The following IPCEF1 variants were observed in gnomAD, a reference collection of about 807,000 sequenced individuals.
The protein encoded by IPCEF1 is interaction protein for cytohesin exchange factors 1.
Under a neutral mutation model 50.9 loss-of-function variants are expected in IPCEF1, and 31 were observed. That is an observed-to-expected ratio of 0.61 (90% confidence interval 0.46 to 0.82). IPCEF1 has a LOEUF of 0.82. Among genes scored for constraint, IPCEF1 ranks in the 40% least tolerant of loss-of-function variants. The probability of loss-of-function intolerance (pLI) is 0.00; values close to 1 mark genes in which losing one functional copy is unlikely to be tolerated. For missense variants in IPCEF1, 458 were observed against 514.0 expected (o/e 0.89, Z 1.05); for synonymous variants, 181 against 192.0 (o/e 0.94, Z 0.47).
intron 10 of IPCEF1, among the ~76,000 whole-genome samples, chr6:154,188,117 T>A (rs994413839): frequency 5.9e-5 from 9 of 152,202 alleles, no homozygotes; most frequent in African/African-American, 2.2e-4. Context: ...CATAAAAAAA[T>A]TTAGGATAAA....
chr6:154,204,619 G>A (rs1334079459), intron 9 of IPCEF1, among the ~76,000 whole-genome samples: 2 of 151,888 alleles, frequency 1.3e-5, no homozygotes, highest in African/African-American at 2.4e-5. Flanking sequence ...TGTGCTGACC[G>A]AAGATCTACT....
intron 1 of IPCEF1, among the ~76,000 whole-genome samples, chr6:154,355,617 T>C (rs539868763): frequency 6.4e-4 from 97 of 152,034 alleles, no homozygotes; most frequent in African/African-American, 2.2e-3. Context: ...GCTTCCCAGG[T>C]AGCTGGGATT....
In IPCEF1 at chr6:154,156,468, C is replaced by CTGCTTCATCACTGGG. The variant is rs2128544033; in HGVS notation, c.*3345_*3359dup. The CTGCTTCATCACTGGG allele has an allele frequency of 6.6e-6, 1 of 152,394 alleles. No homozygotes were observed. The highest frequency in any genetic ancestry group is 2.4e-5 in the African/African-American group (1 of 41,582). 9.4% of individuals were successfully genotyped at this position (152,394 alleles called of 1,614,324 possible). On this transcript the variant is annotated 3_prime_UTR_variant, in exon 12 of 12. Coordinates refer to ENST00000367220, the MANE Select transcript of IPCEF1 (RefSeq NM_001130700.2). ...GCTGGGAGTCCTGAGACTCAAGTTC[C>CTGCTTCATCACTGGG]TGCTTCATCACTGGGGGCTCCGGGC...
chr6:154,319,775 C>T (rs969282836), intron 1 of IPCEF1, among the ~76,000 whole-genome samples: 39 of 152,346 alleles, frequency 2.6e-4, no homozygotes, highest in African/African-American at 9.1e-4. Context: ...GAATGCACTC[C>T]CTGCCCATAT....
chr6:154,216,678 A>G (rs1778420832), intron 7 of IPCEF1, among the ~76,000 whole-genome samples: 1 of 151,964 alleles, frequency 6.6e-6, no homozygotes, highest in Admixed American at 6.6e-5. Context: ...GACCAGCCTG[A>G]CCAACATGGT....
intron 1 of IPCEF1, among the ~76,000 whole-genome samples, chr6:154,348,481 C>T (rs1370558672): frequency 1.3e-5 from 2 of 152,150 alleles, no homozygotes; most frequent in African/African-American, 4.8e-5. Flanking sequence ...GTGATCTTGT[C>T]CATTTAATTG....
In IPCEF1 at chr6:154,223,629, A is replaced by G. The variant is rs187422418; in HGVS notation, c.247-386T>C. 6.0e-3 allele frequency among the ~76,000 whole-genome samples: 913 copies of G among 152,332 alleles called. 11 individuals are homozygous for G. Among genetic ancestry groups the G allele is most frequent in the African/African-American group, 0.021 (885 of 41,576 alleles). On this transcript the variant is annotated intron_variant, in intron 5 of 11. Transcript: ENST00000367220. ...TCCTACGACTCTAGTCAGCTAGCAC[A>G]CAGGAAGAAACCTAACTAGCATTCT...
chr6:154,234,528 A>G (rs1228016626), intron 5 of IPCEF1, among the ~76,000 whole-genome samples: 1 of 152,208 alleles, frequency 6.6e-6, no homozygotes, highest in Non-Finnish European at 1.5e-5. Flanking sequence ...GAACAGCCCA[A>G]CTGCTCAGCA....
intron 1 of IPCEF1, among the ~76,000 whole-genome samples, chr6:154,356,415 T>C (rs978034620): frequency 3.3e-5 from 5 of 152,084 alleles, no homozygotes; most frequent in African/African-American, 1.2e-4. Context: ...TAAACACCTA[T>C]CAAGACAACA....
At chr6:154,276,074 C>T (rs540608073) in intron 2 of IPCEF1, among the ~76,000 whole-genome samples, 4 of 152,144 alleles carry the variant, frequency 2.6e-5, no homozygotes, top group African/African-American at 9.6e-5. Context: ...ATCCCAGCTA[C>T]CCGGGAGGCT....
Position 154,199,656 on chromosome 6 carries a change from T to G in IPCEF1, c.910+12A>C. 1 of 1,574,568 alleles carries G rather than the reference T, an allele frequency of 6.4e-7. No individual in the cohort carries two copies. The highest frequency in any genetic ancestry group is 1.2e-5 in the South Asian group (1 of 84,694). On this transcript the variant is annotated intron_variant, in intron 10 of 11. Coordinates refer to ENST00000367220, the MANE Select transcript of IPCEF1 (RefSeq NM_001130700.2). ...CACTCTCTAACGAAGAATAAATAAT[T>G]TATTGGTTTACCTTTGTCCATGATC...
intron 10 of IPCEF1, among the ~76,000 whole-genome samples, chr6:154,189,514 TAG>T (rs1390085518): frequency 7.9e-5 from 12 of 152,092 alleles, no homozygotes; most frequent in African/African-American, 2.4e-4. Context: ...ACTTAATAAA[TAG>T]AGAGACTATA....
chr6:154,205,712 A>G (rs1777437182), intron 9 of IPCEF1, among the ~76,000 whole-genome samples: 1 of 152,236 alleles, frequency 6.6e-6, no homozygotes, highest in Admixed American at 6.5e-5. Context: ...TGTATTGTAG[A>G]AATATTTCAG....
chr6:154,164,750 C>T (rs551464088), intron 11 of IPCEF1, among the ~76,000 whole-genome samples: 4 of 152,294 alleles, frequency 2.6e-5, no homozygotes, highest in African/African-American at 9.6e-5. Flanking sequence ...CAGAGTAACT[C>T]AGAGAGAGTT....
chr6:154,340,324 C>T (rs1020421841), intron 1 of IPCEF1, among the ~76,000 whole-genome samples: 6 of 150,936 alleles, frequency 4.0e-5, no homozygotes, highest in Non-Finnish European at 7.4e-5. Flanking sequence ...GATCTCGGCT[C>T]ACTGCAACCT....
intron 7 of IPCEF1, among the ~76,000 whole-genome samples, chr6:154,216,257 T>C (rs1583822086): frequency 6.6e-6 from 1 of 152,090 alleles, no homozygotes; most frequent in Admixed American, 6.6e-5. Context: ...CTATCAACAC[T>C]GATTCTATCA....
At chr6:154,290,262 T>A (rs1158322871) in intron 1 of IPCEF1, among the ~76,000 whole-genome samples, 5 of 152,066 alleles carry the variant, frequency 3.3e-5, no homozygotes, top group Admixed American at 1.3e-4. Flanking sequence ...GCATGCAACT[T>A]CAGCAAACAC....
chr6:154,292,415 T>C (rs531943497), intron 1 of IPCEF1, among the ~76,000 whole-genome samples: 1 of 152,350 alleles, frequency 6.6e-6, no homozygotes, highest in South Asian at 2.1e-4. Context: ...TGCTTTGATA[T>C]GGATTAATTT....
intron 9 of IPCEF1, among the ~76,000 whole-genome samples, chr6:154,201,939 G>T (rs1777104402): frequency 6.6e-6 from 1 of 152,150 alleles, no homozygotes; most frequent in Admixed American, 6.6e-5. Context: ...TGTCAGGAAG[G>T]TTGACAGAGA....
Sources: gnomAD v4.1 joint callset for allele counts (sites outside exome capture counted in the v4.1 genomes callset) on GRCh38, gnomAD v4.1.1 for gene constraint, MANE v1.5 for transcripts, NCBI Gene and HGNC (gene_info 2026-07-23, HGNC 2026-07-21) for gene names.